The following MARCHF1 variants were observed in gnomAD, a reference collection of about 807,000 sequenced individuals.
MARCHF1 encodes E3 ubiquitin-protein ligase MARCHF1.
A neutral mutation model predicts 54.2 loss-of-function variants in MARCHF1; 40 were observed. That is an observed-to-expected ratio of 0.74 (90% confidence interval 0.57 to 0.96). The LOEUF (loss-of-function observed/expected upper bound fraction) is 0.96, where lower values mean the gene tolerates loss of function less well. Among genes scored for constraint, MARCHF1 ranks in the 40% least tolerant of loss-of-function variants. The probability of loss-of-function intolerance (pLI) is 0.00; values close to 1 mark genes in which losing one functional copy is unlikely to be tolerated. For synonymous variants in MARCHF1, 236 were observed against 236.3 expected (o/e 1.00, Z 0.01); for missense variants, 586 against 656.5 (o/e 0.89, Z 1.17).
At chr4:163,821,075 T>C (rs1748679508) in intron 4 of MARCHF1, among the ~76,000 whole-genome samples, 1 of 152,092 alleles carries the variant, frequency 6.6e-6, no homozygotes, top group Non-Finnish European at 1.5e-5. Flanking sequence ...GATCAACTTG[T>C]TCTGTTCCAG....
intron 1 of MARCHF1, among the ~76,000 whole-genome samples, chr4:164,136,739 T>C (rs937476464): frequency 4.6e-5 from 7 of 152,096 alleles, no homozygotes; most frequent in African/African-American, 1.7e-4. Flanking sequence ...TGAACACACC[T>C]GGAATGTGAA....
intron 4 of MARCHF1, among the ~76,000 whole-genome samples, chr4:163,812,694 G>A (rs766537349): frequency 6.6e-6 from 1 of 152,116 alleles, no homozygotes. Flanking sequence ...GGAGGCGGGA[G>A]TTGCAGTAAG....
chr4:164,029,206 G>A (rs539716869), intron 2 of MARCHF1, among the ~76,000 whole-genome samples: 2 of 152,236 alleles, frequency 1.3e-5, no homozygotes, highest in East Asian at 3.9e-4. Context: ...TTGGCCCACA[G>A]TTCCACAGGC....
At chr4:164,185,503 T>A (rs919091654) in intron 1 of MARCHF1, among the ~76,000 whole-genome samples, 2 of 152,266 alleles carry the variant, frequency 1.3e-5, no homozygotes, top group South Asian at 4.1e-4. Flanking sequence ...AAGTAATATA[T>A]ACTGCCAGAC....
chr4:164,219,569 T>A (rs1269428604), intron 1 of MARCHF1, among the ~76,000 whole-genome samples: 2 of 151,956 alleles, frequency 1.3e-5, no homozygotes, highest in Non-Finnish European at 2.9e-5. Context: ...CTTCAATATT[T>A]CAAACCAATC....
Position 164,188,624 on chromosome 4 carries a change from C to A in MARCHF1, c.-322-76962G>T, listed in dbSNP as rs1731040885. The A allele has an allele frequency of 4.0e-6, 4 of 1,005,724 alleles. No individual in the cohort carries two copies. The Middle Eastern group carries it at 6.1e-4, about 154-fold the overall frequency. The allele number at this position is 1,005,724 out of a possible 1,614,324, so 62.3% of individuals were successfully genotyped here. ...TCTGATCGGCGATGCCGCCACGAAC[C>A]AGCTCACCTCCAATCCCAAGAACAC... is the stretch of plus-strand genomic sequence containing the variant. On this transcript the variant is annotated intron_variant, in intron 1 of 9. Transcript: ENST00000514618.
intron 5 of MARCHF1, among the ~76,000 whole-genome samples, chr4:163,699,192 A>G (rs569002147): frequency 1.3e-4 from 20 of 152,332 alleles, no homozygotes; most frequent in Non-Finnish European, 2.5e-4. Flanking sequence ...TTCACTACCA[A>G]GCACTGAGGT....
At chr4:164,303,816 T>G (rs1056902329) in intron 1 of MARCHF1, among the ~76,000 whole-genome samples, 1 of 152,116 alleles carries the variant, frequency 6.6e-6, no homozygotes, top group East Asian at 1.9e-4. Context: ...CTCAGGGATC[T>G]TAAGTGAAAC....
At chr4:163,630,221 T>C (rs963786182) in intron 5 of MARCHF1, among the ~76,000 whole-genome samples, 19 of 152,132 alleles carry the variant, frequency 1.2e-4, no homozygotes, top group African/African-American at 4.1e-4. Flanking sequence ...TAAAACAAAA[T>C]GTGGTATATT....
chr4:163,810,514 G>A (rs1219314493), intron 4 of MARCHF1, among the ~76,000 whole-genome samples: 1 of 152,140 alleles, frequency 6.6e-6, no homozygotes, highest in Non-Finnish European at 1.5e-5. Flanking sequence ...CTAGTCAGCA[G>A]TTCCTTGGGT....
At chr4:163,666,046 T>G (rs780762457) in intron 5 of MARCHF1, among the ~76,000 whole-genome samples, 6 of 152,132 alleles carry the variant, frequency 3.9e-5, no homozygotes, top group Non-Finnish European at 7.4e-5. Flanking sequence ...AATGTCTTCT[T>G]TAATTACTGT....
chr4:163,751,133 TTGTGTGTGTG>T lies in MARCHF1; in HGVS notation c.112-50280_112-50271del, dbSNP rs70948664. On this transcript the variant is annotated intron_variant, in intron 4 of 9. Coordinates refer to ENST00000514618, the MANE Select transcript of MARCHF1 (RefSeq NM_001394959.1). Reference sequence around the variant, plus strand: ...GACAGAGGTGTCAGCTATTACCACTTTGTGTGTGTGTGTGTGTGTGTGTGTGTGTGTGTGT... The same window carrying T: ...GACAGAGGTGTCAGCTATTACCACTTTGTGTGTGTGTGTGTGTGTGTGTGT... Among the ~76,000 whole-genome samples, 149 of 147,372 alleles carry T rather than the reference TTGTGTGTGTG, an allele frequency of 1.0e-3. 2 individuals carry two copies. Among genetic ancestry groups the T allele is most frequent in the Middle Eastern group, 3.5e-3 (1 of 288 alleles).
intron 1 of MARCHF1, among the ~76,000 whole-genome samples, chr4:164,274,179 T>C (rs1198531577): frequency 6.6e-6 from 1 of 152,222 alleles, no homozygotes; most frequent in Non-Finnish European, 1.5e-5. Context: ...GTCTTGTCTA[T>C]TCAGGTTCTG....
intron 1 of MARCHF1, among the ~76,000 whole-genome samples, chr4:164,383,034 CAGAGA>C (rs1351675892): frequency 6.6e-6 from 1 of 152,164 alleles, no homozygotes; most frequent in Non-Finnish European, 1.5e-5. Context: ...CTTCAGAAAC[CAGAGA>C]AAAGAGCGAG....
At position 163,735,037 on chromosome 4, in the gene MARCHF1, A is replaced by C. The variant is rs548801047; in HGVS notation, c.112-34174T>G. 5.3e-5 allele frequency among the ~76,000 whole-genome samples: 8 copies of C among 152,226 alleles called. No homozygotes were observed. The East Asian group carries it at 1.5e-3, about 29-fold the overall frequency. On this transcript the variant is annotated intron_variant, in intron 4 of 9. Transcript: ENST00000514618. ...TAGTCTTCCTTTTGACACCGAACAT[A>C]AGCATGTTCCTGGTCAAAAACACTT... is the stretch of plus-strand genomic sequence containing the variant.
rs138039772 is a variant in MARCHF1, at chr4:163,946,389, T to TATC, written c.-39+42109_-39+42111dup. 3.5e-3 allele frequency among the ~76,000 whole-genome samples: 527 copies of TATC among 152,294 alleles called. 6 individuals are homozygous for TATC. The highest frequency in any genetic ancestry group is 0.012 in the African/African-American group (482 of 41,576). On this transcript the variant is annotated intron_variant, in intron 3 of 9. Coordinates refer to ENST00000514618, the MANE Select transcript of MARCHF1 (RefSeq NM_001394959.1). ...TATCCTTCCAAAATAGATCCCATACTATCATCTCTCTATAGTCCTGATTTT... is the reference window on the plus strand; with the variant it reads ...TATCCTTCCAAAATAGATCCCATACTATCATCATCTCTCTATAGTCCTGATTTT...
intron 4 of MARCHF1, among the ~76,000 whole-genome samples, chr4:163,747,511 T>C (rs144768918): frequency 0.014 from 2,183 of 152,328 alleles, 130 homozygotes; most frequent in Admixed American, 0.11. Flanking sequence ...GCAAAGCCTT[T>C]GAAATCTGGT....
chr4:164,301,362 T>G (rs1424546934), intron 1 of MARCHF1, among the ~76,000 whole-genome samples: 2 of 152,188 alleles, frequency 1.3e-5, no homozygotes, highest in Non-Finnish European at 2.9e-5. Context: ...ACCTATTTGT[T>G]TTCTAACCTG....
At chr4:163,677,173 A>G (rs115094850) in intron 5 of MARCHF1, among the ~76,000 whole-genome samples, 2,643 of 152,328 alleles carry the variant, frequency 0.017, 48 homozygotes, top group South Asian at 0.064. Flanking sequence ...GTGATCAAGC[A>G]GACAAAAAAT....
Sources: gnomAD v4.1 joint callset for allele counts (sites outside exome capture counted in the v4.1 genomes callset) on GRCh38, gnomAD v4.1.1 for gene constraint, MANE v1.5 for transcripts, NCBI Gene and HGNC (gene_info 2026-07-23, HGNC 2026-07-21) for gene names.